RNF212: variants seen among roughly 807,000 people sequenced by gnomAD.
The protein encoded by RNF212 is ring finger protein 212, also known as probable E3 SUMO-protein ligase RNF212.
In RNF212, 33 loss-of-function variants were observed where a neutral mutation model predicts 34.7. The observed-to-expected ratio is 0.95, with a 90% CI of 0.72 to 1.27. RNF212 has a LOEUF of 1.27. Among genes scored for constraint, RNF212 ranks in the 50% most tolerant of loss-of-function variants. The pLI is 0.00. For synonymous variants in RNF212, 140 were observed against 136.1 expected (o/e 1.03, Z -0.20); for missense variants, 377 against 362.2 (o/e 1.04, Z -0.33).
At chr4:1,079,493 C>G (rs1054209808) in intron 8 of RNF212, 150 bp downstream of exon 8, 2 of 688,378 alleles carry the variant, frequency 2.9e-6, no homozygotes, top group Non-Finnish European at 5.3e-6. Context: ...CAGCCCACCC[C>G]TCTCACCCAC....
chr4:1,094,244 AG>A (rs1303942734), intron 3 of RNF212, among the ~76,000 whole-genome samples: 1 of 152,160 alleles, frequency 6.6e-6, no homozygotes, highest in Admixed American at 6.5e-5. Context: ...GAAGAGGGAA[AG>A]GAAGTGCAGG....
At chr4:1,075,078 T>C (rs567199154) in intron 8 of RNF212, among the ~76,000 whole-genome samples, 1 of 152,262 alleles carries the variant, frequency 6.6e-6, no homozygotes, top group Admixed American at 6.5e-5. Context: ...CTGACAGCTG[T>C]GAGTTACAGA....
At chr4:1,069,221 A>G (rs895259909), downstream of RNF212, among the ~76,000 whole-genome samples, 10 of 151,880 alleles carry the variant, frequency 6.6e-5, no homozygotes, top group Non-Finnish European at 1.5e-4. Flanking sequence ...AAAAAAAAAA[A>G]GAAATCTATG....
At chr4:1,074,972 A>G (rs1719042380) in intron 8 of RNF212, among the ~76,000 whole-genome samples, 1 of 152,152 alleles carries the variant, frequency 6.6e-6, no homozygotes, top group African/African-American at 2.4e-5. Flanking sequence ...CCTTGACATC[A>G]CCGTCCCTTC....
At chr4:1,070,330 G>A (rs1446562574), downstream of RNF212, among the ~76,000 whole-genome samples, 2 of 150,284 alleles carry the variant, frequency 1.3e-5, no homozygotes, top group Non-Finnish European at 2.9e-5. Flanking sequence ...CAGCGTGGAC[G>A]CCTGGCCTGA....
At chr4:1,079,517 G>A (rs1213845771) in intron 8 of RNF212, 126 bp downstream of exon 8, 13 of 747,396 alleles carry the variant, frequency 1.7e-5, no homozygotes, top group East Asian at 5.0e-5. Flanking sequence ...ACCAGCACAC[G>A]AAGCAGCAGC....
chr4:1,099,810 A>G, intron 2 of RNF212: 3 of 456,274 alleles, frequency 6.6e-6, no homozygotes, highest in South Asian at 4.6e-5. Flanking sequence ...AATCGAGTCC[A>G]CAAGGTCCGA....
At chr4:1,066,561 G>A (rs558692656), downstream of RNF212, among the ~76,000 whole-genome samples, 1 of 152,330 alleles carries the variant, frequency 6.6e-6, no homozygotes, top group South Asian at 2.1e-4. Flanking sequence ...GAACTCCTGA[G>A]CTCAAGCGAT....
At chr4:1,093,392 T>G in intron 3 of RNF212, 1 of 1,391,578 alleles carries the variant, frequency 7.2e-7, no homozygotes, top group Non-Finnish European at 9.3e-7. Flanking sequence ...TGCCAATATT[T>G]ATGTTACGTT....
In RNF212 at chr4:1,094,849, A is replaced by C. The variant is rs186724715; in HGVS notation, c.246+1916T>G. Among the ~76,000 whole-genome samples, 299 of 152,342 alleles carry C rather than the reference A, an allele frequency of 2.0e-3. 3 individuals carry two copies. Among genetic ancestry groups the C allele is most frequent in the Middle Eastern group, 6.8e-3 (2 of 294 alleles). On this transcript the variant is annotated intron_variant, in intron 3 of 9. Transcript: ENST00000433731. ...TCTTGCGCAAAGGACCCCAGAACTG[A>C]CTGAGACCACTTTGTCTCAATGTGA... is the stretch of plus-strand genomic sequence containing the variant.
intron 2 of RNF212, among the ~76,000 whole-genome samples, chr4:1,098,251 A>G (rs1258784215): frequency 1.3e-5 from 2 of 152,202 alleles, no homozygotes; most frequent in Non-Finnish European, 2.9e-5. Flanking sequence ...TCCCACTGAA[A>G]TGATAGTAAA....
intron 3 of RNF212, among the ~76,000 whole-genome samples, chr4:1,065,645 GA>G (rs1718043803): frequency 6.6e-6 from 1 of 152,170 alleles, no homozygotes; most frequent in Admixed American, 6.5e-5. Flanking sequence ...TTTTTGTAGA[GA>G]GGGGGTTTTG....
chr4:1,086,316 T>C (rs1328091078), intron 4 of RNF212, among the ~76,000 whole-genome samples: 1 of 151,978 alleles, frequency 6.6e-6, no homozygotes, highest in Admixed American at 6.5e-5. Context: ...GCACAGCCTC[T>C]GCTGTCAGGC....
At chr4:1,109,103 G>T (rs1269416389) in intron 1 of RNF212, among the ~76,000 whole-genome samples, 1 of 151,224 alleles carries the variant, frequency 6.6e-6, no homozygotes, top group Non-Finnish European at 1.5e-5. Flanking sequence ...CACCTCCTGG[G>T]TTCAAGTGAT....
chr4:1,071,037 A>T (rs1311215855), downstream of RNF212, among the ~76,000 whole-genome samples: 2 of 150,616 alleles, frequency 1.3e-5, no homozygotes, highest in African/African-American at 2.4e-5. Flanking sequence ...TAAAAAACTA[A>T]TTTTTTTAAA....
chr4:1,102,991 A>C (rs76009948), intron 2 of RNF212, among the ~76,000 whole-genome samples: 1 of 97,254 alleles, frequency 1.0e-5, no homozygotes, highest in African/African-American at 3.7e-5. Flanking sequence ...AAAAATACAA[A>C]AAAAAAAAAA....
chr4:1,093,812 T>C, intron 3 of RNF212: 1 of 1,536,252 alleles, frequency 6.5e-7, no homozygotes, highest in Non-Finnish European at 8.7e-7. Context: ...GTGAGGTGCG[T>C]CCTGGATGGT....
At chr4:1,073,314 C>G in intron 9 of RNF212, 121 bp from the exon 10 acceptor site, 5 of 1,349,050 alleles carry the variant, frequency 3.7e-6, no homozygotes, top group Non-Finnish European at 5.0e-6. Context: ...AAGCCAATTA[C>G]CAGGAAGCAA....
chr4:1,090,969 C>T, intron 3 of RNF212, 131 bp from the exon 4 acceptor site: 1 of 617,122 alleles, frequency 1.6e-6, no homozygotes, highest in Non-Finnish European at 2.9e-6. Context: ...GTGTCCTGCC[C>T]CCACAGACGC....
Sources: allele counts gnomAD v4.1 joint callset (sites outside exome capture counted in the v4.1 genomes callset), GRCh38; gene constraint gnomAD v4.1.1; transcripts MANE v1.5; gene names NCBI Gene and HGNC (gene_info 2026-07-23, HGNC 2026-07-21).